UVRAG: variants seen among roughly 807,000 people sequenced by gnomAD.
UVRAG encodes the protein UV radiation resistance associated.
Under a neutral mutation model 78.0 loss-of-function variants are expected in UVRAG, and 19 were observed. The ratio of observed to expected loss-of-function variants is 0.24; its 90% CI spans 0.17 to 0.36. The LOEUF (loss-of-function observed/expected upper bound fraction) is 0.36. Among genes scored for constraint, UVRAG ranks in the 10% least tolerant of loss-of-function variants. The probability of loss-of-function intolerance (pLI) is 1.00; values close to 1 mark genes in which losing one functional copy is unlikely to be tolerated. For synonymous variants in UVRAG, 323 were observed against 324.6 expected (o/e 1.00, Z 0.05); for missense variants, 740 against 853.8 (o/e 0.87, Z 1.66).
At chr11:76,101,571 C>T (rs1027266189) in intron 13 of UVRAG, among the ~76,000 whole-genome samples, 19 of 152,086 alleles carry the variant, frequency 1.2e-4, no homozygotes, top group African/African-American at 4.6e-4. Flanking sequence ...TGTGCAGAAG[C>T]TCTTTAGTTT....
chr11:75,967,824 C>T (rs141060152), intron 7 of UVRAG, among the ~76,000 whole-genome samples: 46 of 152,294 alleles, frequency 3.0e-4, no homozygotes, highest in African/African-American at 1.1e-3. Context: ...TAAACTCCAT[C>T]ATACACTTAT....
chr11:76,002,441 G>A (rs540313056), intron 8 of UVRAG, among the ~76,000 whole-genome samples: 3 of 152,284 alleles, frequency 2.0e-5, no homozygotes, highest in East Asian at 1.9e-4. Flanking sequence ...CTGAACTGAG[G>A]AAGGGGACAC....
intron 13 of UVRAG, among the ~76,000 whole-genome samples, chr11:76,088,923 T>G (rs142867532): frequency 6.6e-6 from 1 of 152,342 alleles, no homozygotes; most frequent in African/African-American, 2.4e-5. Context: ...ACTAAATTAA[T>G]AAGTTCCTTA....
chr11:75,887,887 TTA>T (rs1947124396), intron 4 of UVRAG, among the ~76,000 whole-genome samples: 1 of 150,408 alleles, frequency 6.6e-6, no homozygotes, highest in Non-Finnish European at 1.5e-5. Flanking sequence ...CCTCAGTTCC[TTA>T]ATTTTTAAAG....
intron 13 of UVRAG, among the ~76,000 whole-genome samples, chr11:76,105,229 C>T (rs1565163033): frequency 6.6e-6 from 1 of 151,962 alleles, no homozygotes; most frequent in Non-Finnish European, 1.5e-5. Flanking sequence ...CATTGCCAAA[C>T]CCCTGTTTCT....
At chr11:76,119,482 T>C (rs1482351674) in intron 14 of UVRAG, among the ~76,000 whole-genome samples, 1 of 152,192 alleles carries the variant, frequency 6.6e-6, no homozygotes, top group East Asian at 1.9e-4. Context: ...AGGGGCCTAC[T>C]TGACTCTGCC....
chr11:75,985,670 A>G (rs1385106800), intron 8 of UVRAG, among the ~76,000 whole-genome samples: 3 of 152,012 alleles, frequency 2.0e-5, no homozygotes, highest in Admixed American at 1.3e-4. Context: ...TACTTCTTAC[A>G]TTTATATCTA....
chr11:76,104,969 A>G (rs11236613), intron 13 of UVRAG, among the ~76,000 whole-genome samples: 1 of 152,246 alleles, frequency 6.6e-6, no homozygotes, highest in African/African-American at 2.4e-5. Context: ...CTGTAGCTAC[A>G]CATTGCTTAT....
intron 12 of UVRAG, among the ~76,000 whole-genome samples, chr11:76,051,066 GA>G (rs2134350358): frequency 6.6e-6 from 1 of 152,232 alleles, no homozygotes; most frequent in African/African-American, 2.4e-5. Flanking sequence ...GCAATTTATA[GA>G]CAATATAGAA....
chr11:76,091,114 CTT>C (rs1428282743), intron 13 of UVRAG, among the ~76,000 whole-genome samples: 1 of 152,124 alleles, frequency 6.6e-6, no homozygotes, highest in East Asian at 1.9e-4. Context: ...TGAAAATTAT[CTT>C]TATTCTTCTC....
chr11:75,886,243 C>T (rs1947076581), intron 4 of UVRAG, among the ~76,000 whole-genome samples: 1 of 152,168 alleles, frequency 6.6e-6, no homozygotes, highest in Non-Finnish European at 1.5e-5. Context: ...GAAGTTTACA[C>T]TTTGAGAACT....
intron 12 of UVRAG, among the ~76,000 whole-genome samples, chr11:76,022,329 C>G (rs924825161): frequency 6.6e-6 from 1 of 152,062 alleles, no homozygotes; most frequent in Non-Finnish European, 1.5e-5. Flanking sequence ...CTCAAGTCCT[C>G]GATTTCCTTA....
chr11:75,866,602 T>A (rs903107409), intron 3 of UVRAG, among the ~76,000 whole-genome samples: 2 of 151,920 alleles, frequency 1.3e-5, no homozygotes, highest in African/African-American at 2.4e-5. Context: ...CTTTTTTTTT[T>A]AATACCACTA....
chr11:75,836,553 C>G (rs1170313952), intron 1 of UVRAG, among the ~76,000 whole-genome samples: 1 of 152,150 alleles, frequency 6.6e-6, no homozygotes, highest in Non-Finnish European at 1.5e-5. Context: ...CCATCTAGAT[C>G]CATCAATTCT....
chr11:76,144,031 C>G lies in UVRAG; in HGVS notation c.*2618C>G, dbSNP rs917236808. 6.6e-6 allele frequency among the ~76,000 whole-genome samples: 1 copy of G among 152,096 alleles called. No individual in the cohort carries two copies. The highest frequency in any genetic ancestry group is 2.4e-5 in the African/African-American group (1 of 41,412). On this transcript the variant is annotated 3_prime_UTR_variant, in exon 15 of 15. Transcript: ENST00000356136. ...TAGAAATTCCAGAGATTTTTTTCCC[C>G]TCAGAATATTAGTTTTGGAAGATTG...
At chr11:75,889,723 G>A (rs1460442044) in intron 5 of UVRAG, among the ~76,000 whole-genome samples, 2 of 152,308 alleles carry the variant, frequency 1.3e-5, no homozygotes, top group African/African-American at 4.8e-5. Flanking sequence ...CCACTGTACT[G>A]TACTCCAAGT....
chr11:76,022,035 C>G (rs1259273532), intron 12 of UVRAG, among the ~76,000 whole-genome samples: 1 of 151,794 alleles, frequency 6.6e-6, no homozygotes, highest in Non-Finnish European at 1.5e-5. Flanking sequence ...GCCTGGGTGA[C>G]AGAGCAAGAC....
At position 75,835,264 on chromosome 11, in the gene UVRAG, T is replaced by C. The variant is rs928539849; in HGVS notation, c.118-16619T>C. The C allele has an allele frequency of 3.3e-5, 5 of 152,224 alleles. No homozygotes were observed. In the East Asian group the frequency reaches 9.6e-4, roughly 29 times the overall value. The allele number at this position is 152,224 out of a possible 1,614,324, so 9.4% of individuals were successfully genotyped here. ...GAGAAGCGGGAAAGAGTTGAGCAAA[T>C]TTGATCTGTAACTGACTGTGAACAC... On this transcript the variant is annotated intron_variant, in intron 1 of 14. Transcript: ENST00000356136.
At chr11:76,005,448 C>T (rs780526450) in intron 9 of UVRAG, among the ~76,000 whole-genome samples, 2 of 152,116 alleles carry the variant, frequency 1.3e-5, no homozygotes, top group Non-Finnish European at 2.9e-5. Context: ...ACTGTTTGTC[C>T]AACTCACTAG....
Sources: allele counts gnomAD v4.1 joint callset (sites outside exome capture counted in the v4.1 genomes callset), GRCh38; gene constraint gnomAD v4.1.1; transcripts MANE v1.5; gene names NCBI Gene and HGNC (gene_info 2026-07-23, HGNC 2026-07-21).